PAK2: variants seen among roughly 807,000 people sequenced by gnomAD.
The protein encoded by PAK2 is p21 (RAC1) activated kinase 2.
Under a neutral mutation model 65.9 loss-of-function variants are expected in PAK2, and 21 were observed. The ratio of observed to expected loss-of-function variants is 0.32; its 90% CI spans 0.23 to 0.46. The LOEUF (loss-of-function observed/expected upper bound fraction) is 0.46. Ranked by LOEUF, PAK2 falls within the 20% of genes least tolerant of loss-of-function variation. The pLI, the probability that PAK2 is intolerant of heterozygous loss-of-function variation, is 1.00. For missense variants in PAK2, 324 were observed against 642.6 expected (o/e 0.50, Z 5.36); for synonymous variants, 204 against 219.7 (o/e 0.93, Z 0.63).
In PAK2 at chr3:196,820,397, A is replaced by G; in HGVS notation, c.1180A>G (p.Thr394Ala). 1 of 1,581,370 alleles carries G rather than the reference A, an allele frequency of 6.3e-7. No individual in the cohort carries two copies. Among genetic ancestry groups the G allele is most frequent in the Non-Finnish European group, 8.6e-7 (1 of 1,163,526 alleles). Reference sequence around the variant, plus strand: ...TGACTTTGGTTTCTGTGCCCAGATCACCCCTGAGCAGAGCAAACGCAGTAC... The same window carrying G: ...TGACTTTGGTTTCTGTGCCCAGATCGCCCCTGAGCAGAGCAAACGCAGTAC... ...LTDFGFCAQI[T>A]PEQSKRSTMV... Residue 394 changes from threonine to alanine, a missense_variant, in exon 13 of 15, where the codon ACC (threonine) becomes GCC (alanine). Physicochemically the swap from Thr to Ala is moderately conservative, Grantham distance 58. This residue lies in a region of PAK2 where 36 missense variants were observed against 161.5 expected (regional missense o/e 0.22). Coordinates refer to ENST00000327134, the MANE Select transcript of PAK2 (RefSeq NM_002577.4). The surrounding 1 kb of genome is among the most constrained non-coding windows in gnomAD (Gnocchi z 4.6).
Position 196,810,592 on chromosome 3 carries a change from A to G in PAK2, c.712A>G (p.Thr238Ala). 1.3e-6 allele frequency: 2 copies of G among 1,548,410 alleles called. No homozygotes were observed. Among genetic ancestry groups the G allele is most frequent in the Non-Finnish European group, 1.8e-6 (2 of 1,121,192 alleles). The change falls in exon 8 of 15, where the codon ACT becomes GCT. Residue 238 changes from threonine (T) to alanine (A), a missense_variant and splice_region_variant. This residue lies in a region of PAK2 where 183 missense variants were observed against 246.2 expected (regional missense o/e 0.74). Coordinates refer to ENST00000327134, the MANE Select transcript of PAK2 (RefSeq NM_002577.4). ...TDEEIMEKLRTIVSIGDPKKK... is the reference protein window; with the variant it reads ...TDEEIMEKLRAIVSIGDPKKK... ...TTCCAGCTTTTTGTTTATTCTAGGA[A>G]CTATCGTGAGCATAGGTGACCCTAA...
At chr3:196,784,026 A>G (rs1714801193) in intron 2 of PAK2, among the ~76,000 whole-genome samples, 1 of 152,116 alleles carries the variant, frequency 6.6e-6, no homozygotes, top group Admixed American at 6.5e-5. Flanking sequence ...TTGAATGTAC[A>G]TCTTACTGGG....
intron 11 of PAK2, 89 bp downstream of exon 11, chr3:196,814,657 A>G: frequency 1.4e-6 from 1 of 711,928 alleles, no homozygotes; most frequent in East Asian, 2.7e-5. Flanking sequence ...GGTAATTGTT[A>G]TTGTGGGAGG....
intron 8 of PAK2, 113 bp downstream of exon 8, chr3:196,810,766 G>A: frequency 4.7e-6 from 3 of 636,052 alleles, no homozygotes; most frequent in African/African-American, 3.7e-5. Flanking sequence ...TATTCTGTGA[G>A]TGGTACCCTT....
intron 13 of PAK2, among the ~76,000 whole-genome samples, chr3:196,822,741 C>T (rs1429791834): frequency 1.3e-5 from 2 of 151,980 alleles, no homozygotes; most frequent in East Asian, 1.9e-4. Flanking sequence ...AAATCAAAAG[C>T]GTGCATAGGG....
intron 6 of PAK2, among the ~76,000 whole-genome samples, chr3:196,807,238 G>A (rs913356298): frequency 3.9e-5 from 6 of 152,138 alleles, no homozygotes; most frequent in Non-Finnish European, 7.3e-5. Flanking sequence ...GTGCTGTGCC[G>A]TGGAATGGGC....
chr3:196,802,946 AT>A (rs1157517149), intron 3 of PAK2, 70 bp from the exon 4 acceptor site: 32 of 1,035,474 alleles, frequency 3.1e-5, no homozygotes, highest in Non-Finnish European at 4.2e-5. Context: ...GTATTTTGTC[AT>A]TTATCTCTGG....
chr3:196,747,115 TTTTG>T (rs1713408819), intron 1 of PAK2: 1 of 152,102 alleles, frequency 6.6e-6, no homozygotes, highest in Non-Finnish European at 1.5e-5. Context: ...ATTGGTTTTT[TTTTG>T]TTTGTTTTCT....
At chr3:196,754,388 C>T (rs747543869) in intron 1 of PAK2, among the ~76,000 whole-genome samples, 5 of 152,076 alleles carry the variant, frequency 3.3e-5, no homozygotes, top group Non-Finnish European at 7.4e-5. Context: ...GTTTTCCTTG[C>T]CTCTCCAGGG....
At chr3:196,809,303 T>C (rs991466405) in intron 7 of PAK2, among the ~76,000 whole-genome samples, 74 of 149,396 alleles carry the variant, frequency 5.0e-4, no homozygotes, top group Non-Finnish European at 8.1e-4. Context: ...GATTTCTCAG[T>C]GCTTTCAAGT....
chr3:196,809,600 C>T (rs1367046488), intron 7 of PAK2, among the ~76,000 whole-genome samples: 4 of 150,606 alleles, frequency 2.7e-5, no homozygotes, highest in African/African-American at 7.3e-5. Context: ...CCACACCTGG[C>T]CTGCTCTGTT....
chr3:196,819,994 A>C (rs1711597602), intron 12 of PAK2, among the ~76,000 whole-genome samples: 1 of 152,196 alleles, frequency 6.6e-6, no homozygotes, highest in Admixed American at 6.6e-5. Flanking sequence ...AATTTTAAAA[A>C]TTAAACAAAA....
chr3:196,746,387 T>C (rs1473617175), intron 1 of PAK2, among the ~76,000 whole-genome samples: 1 of 152,184 alleles, frequency 6.6e-6, no homozygotes, highest in Non-Finnish European at 1.5e-5. Context: ...GCTGAGGATA[T>C]GTAATAGTAA....
At chr3:196,821,093 G>A (rs968244012) in intron 13 of PAK2, among the ~76,000 whole-genome samples, 1 of 151,998 alleles carries the variant, frequency 6.6e-6, no homozygotes, top group African/African-American at 2.4e-5. Flanking sequence ...CACTCGCCTC[G>A]GCTTCCCAAA....
chr3:196,757,799 C>A (rs71323746), intron 1 of PAK2, among the ~76,000 whole-genome samples: 2 of 152,070 alleles, frequency 1.3e-5, no homozygotes, highest in South Asian at 2.1e-4. Context: ...CGATAAATAC[C>A]GAGAATACTC....
At chr3:196,812,134 A>T (rs77835098) in intron 8 of PAK2, 85 bp from the exon 9 acceptor site, 4 of 808,426 alleles carry the variant, frequency 4.9e-6, no homozygotes, top group Non-Finnish European at 8.7e-6. Context: ...TTCTTTTTCA[A>T]TTGCTTGAAG....
intron 11 of PAK2, among the ~76,000 whole-genome samples, chr3:196,817,769 A>G (rs1325419279): frequency 4.6e-5 from 7 of 152,142 alleles, no homozygotes; most frequent in Admixed American, 4.6e-4. Context: ...AGGAGGCAAG[A>G]CATTATACAG....
intron 12 of PAK2, among the ~76,000 whole-genome samples, chr3:196,818,856 A>G (rs1192748800): frequency 1.3e-5 from 2 of 152,142 alleles, no homozygotes; most frequent in African/African-American, 4.8e-5. Flanking sequence ...TAATTGTAAT[A>G]ATAAATGTAC....
At chr3:196,776,983 A>G (rs1254409837) in intron 1 of PAK2, among the ~76,000 whole-genome samples, 1 of 152,208 alleles carries the variant, frequency 6.6e-6, no homozygotes, top group Non-Finnish European at 1.5e-5. Context: ...TTCAGCTAAA[A>G]CAACTCAGCA....
Sources: gnomAD v4.1 joint callset for allele counts (sites outside exome capture counted in the v4.1 genomes callset) on GRCh38, gnomAD v4.1.1 for gene constraint, gnomAD v4.1.1 regional missense constraint, Gnocchi (gnomAD v3.1) non-coding constraint, MANE v1.5 for transcripts, NCBI Gene and HGNC (gene_info 2026-07-23, HGNC 2026-07-21) for gene names.